Variants in PTPN14 observed in about 807,000 individuals in gnomAD.
The protein encoded by PTPN14 is tyrosine-protein phosphatase non-receptor type 14.
In PTPN14, 53 loss-of-function variants were observed where a neutral mutation model predicts 126.8. That is an observed-to-expected ratio of 0.42 (90% CI 0.34 to 0.53). PTPN14 has a LOEUF of 0.53. Ranked by LOEUF, PTPN14 falls within the 20% of genes least tolerant of loss-of-function variation. PTPN14 has a pLI of 0.08. For synonymous variants in PTPN14, 630 were observed against 599.3 expected (o/e 1.05, Z -0.75); for missense variants, 1,257 against 1,552.9 (o/e 0.81, Z 3.20).
intron 7 of PTPN14, 56 bp from the exon 8 acceptor site, chr1:214,398,057 T>C (rs1658927931): frequency 7.3e-7 from 1 of 1,367,850 alleles, no homozygotes. Flanking sequence ...GCAACATTAT[T>C]CACAATAGCT....
At chr1:214,432,299 T>G (rs1659814328) in intron 3 of PTPN14, among the ~76,000 whole-genome samples, 1 of 152,086 alleles carries the variant, frequency 6.6e-6, no homozygotes, top group Non-Finnish European at 1.5e-5. Flanking sequence ...TACTTAACAT[T>G]TGTTTAATGA....
chr1:214,547,650 GCAGA>G (rs1656004888), intron 1 of PTPN14, among the ~76,000 whole-genome samples: 1 of 152,142 alleles, frequency 6.6e-6, no homozygotes, highest in Admixed American at 6.5e-5. Context: ...CTAGTTAAAG[GCAGA>G]CAGAGTTATC....
intron 16 of PTPN14, among the ~76,000 whole-genome samples, chr1:214,371,608 C>T (rs547747495): frequency 2.0e-5 from 3 of 152,308 alleles, no homozygotes; most frequent in South Asian, 4.1e-4. Context: ...GTGCCTGTCT[C>T]GTTTACCGTG....
chr1:214,408,186 C>G (rs1303265621), intron 5 of PTPN14, among the ~76,000 whole-genome samples: 1 of 152,190 alleles, frequency 6.6e-6, no homozygotes, highest in Non-Finnish European at 1.5e-5. Flanking sequence ...ACCAACCACA[C>G]TGTAGTCTCC....
Position 214,364,791 on chromosome 1 carries a change from G to GTGTGTA in PTPN14, c.3272-117_3272-116insTACACA, listed in dbSNP as rs1658042610. 3.3e-6 allele frequency: 3 copies of GTGTGTA among 908,384 alleles called. No homozygotes were observed. Among genetic ancestry groups the GTGTGTA allele is most frequent in the Non-Finnish European group, 3.3e-6 (2 of 611,574 alleles). 56.3% of individuals were successfully genotyped at this position (908,384 alleles called of 1,614,324 possible). On this transcript the variant is annotated intron_variant, in intron 17 of 18. Transcript: ENST00000366956. This position sits in a 1 kb window ranked among gnomAD's most constrained non-coding sequence, Gnocchi z 4.1. Reference sequence around the variant, plus strand: ...AGTGTGTGTGTGTGTGTGTGTGTGTGTGTGTGTGTGTGTGTTTTAAGTGAC... The same window carrying GTGTGTA: ...AGTGTGTGTGTGTGTGTGTGTGTGTGTGTGTATGTGTGTGTGTGTGTTTTAAGTGAC...
intron 2 of PTPN14, among the ~76,000 whole-genome samples, chr1:214,453,568 C>G (rs1288317033): frequency 1.6e-5 from 2 of 121,684 alleles, no homozygotes; most frequent in African/African-American, 5.3e-5. Flanking sequence ...TGGTAAGTAA[C>G]TACATCATAA....
At chr1:214,532,832 A>G in intron 1 of PTPN14, 1 of 918,040 alleles carries the variant, frequency 1.1e-6, no homozygotes, top group Admixed American at 1.7e-5. Flanking sequence ...AACCACAAAG[A>G]TGAACTAAAA....
At chr1:214,540,907 GT>G (rs2102482600) in intron 1 of PTPN14, among the ~76,000 whole-genome samples, 1 of 152,038 alleles carries the variant, frequency 6.6e-6, no homozygotes, top group South Asian at 2.1e-4. Flanking sequence ...TTGTTTTGAA[GT>G]TTTTTTGGAC....
At chr1:214,407,936 T>C (rs1162801251) in intron 5 of PTPN14, among the ~76,000 whole-genome samples, 1 of 152,172 alleles carries the variant, frequency 6.6e-6, no homozygotes, top group Non-Finnish European at 1.5e-5. Flanking sequence ...TCTCCACCCG[T>C]AGCTACAGTC....
intron 15 of PTPN14, among the ~76,000 whole-genome samples, chr1:214,374,918 A>G (rs1243326422): frequency 6.6e-6 from 1 of 152,216 alleles, no homozygotes; most frequent in African/African-American, 2.4e-5. Flanking sequence ...TCTATCAGGA[A>G]GCAGCTGTGT....
chr1:214,410,126 A>G (rs1407981515), intron 5 of PTPN14, among the ~76,000 whole-genome samples: 1 of 151,934 alleles, frequency 6.6e-6, no homozygotes, highest in Non-Finnish European at 1.5e-5. Context: ...CCTTTGTTGC[A>G]CAGAAGCTTT....
chr1:214,506,909 G>T (rs1442012682), intron 1 of PTPN14, among the ~76,000 whole-genome samples: 11 of 136,802 alleles, frequency 8.0e-5, no homozygotes, highest in Non-Finnish European at 1.1e-4. Flanking sequence ...AAGAGCGCGG[G>T]TTTTTTTTTT....
At position 214,369,548 on chromosome 1, in the gene PTPN14, G is replaced by A. The variant is rs61749332; in HGVS notation, c.3180C>T (p.His1060=). 16,421 of 1,614,084 alleles carry A rather than the reference G, an allele frequency of 0.01. 86 individuals carry two copies. Among genetic ancestry groups the A allele is most frequent in the African/African-American group, 0.016 (1,182 of 75,024 alleles). Residue 1060 remains histidine, a synonymous_variant, in exon 17 of 19, where the codon CAC becomes CAT. Coordinates refer to ENST00000366956, the MANE Select transcript of PTPN14 (RefSeq NM_005401.5). ...CCGTCCTTTCTTGCCCAGACAAAAG[G>A]TGCTTGACCTTCAAGCCCGTGGTTG... The part of the protein sequence containing the change: ...CYATTGLKVK[H]LLSGQERTVW...
chr1:214,533,526 G>A (rs1241518853), intron 1 of PTPN14: 14 of 351,502 alleles, frequency 4.0e-5, no homozygotes, highest in Non-Finnish European at 5.9e-5. Flanking sequence ...AAAGTTCAGC[G>A]GTTTAAATAA....
intron 16 of PTPN14, chr1:214,372,493 A>G (rs1658241756): frequency 1.6e-6 from 1 of 617,498 alleles, no homozygotes; most frequent in Admixed American, 3.2e-5. Flanking sequence ...AGCCAGATGA[A>G]AATGGGAGGA....
intron 1 of PTPN14, among the ~76,000 whole-genome samples, chr1:214,508,860 T>A (rs1654903365): frequency 6.6e-6 from 1 of 152,204 alleles, no homozygotes; most frequent in African/African-American, 2.4e-5. Context: ...TACATCTCCA[T>A]CAGAACTCTT....
chr1:214,485,852 A>C (rs1258323265), intron 1 of PTPN14, among the ~76,000 whole-genome samples: 2 of 151,884 alleles, frequency 1.3e-5, no homozygotes, highest in Admixed American at 6.5e-5. Context: ...CAGCCTCCCG[A>C]GTAGCTGGGA....
chr1:214,450,015 C>T (rs1660237001), intron 3 of PTPN14, among the ~76,000 whole-genome samples: 1 of 151,890 alleles, frequency 6.6e-6, no homozygotes, highest in South Asian at 2.1e-4. Context: ...TGCCTGTAGT[C>T]CCAGCTACTC....
chr1:214,432,092 G>A (rs1571996360), intron 3 of PTPN14, among the ~76,000 whole-genome samples: 1 of 152,060 alleles, frequency 6.6e-6, no homozygotes. Context: ...GCTGAGGTAG[G>A]AGGATCTCCT....
Sources: allele counts gnomAD v4.1 joint callset (sites outside exome capture counted in the v4.1 genomes callset), GRCh38; gene constraint gnomAD v4.1.1; non-coding constraint Gnocchi (gnomAD v3.1); transcripts MANE v1.5; gene names NCBI Gene and HGNC (gene_info 2026-07-23, HGNC 2026-07-21).